TPP2: variants seen among roughly 807,000 people sequenced by gnomAD.
TPP2 encodes the protein tripeptidyl-peptidase 2.
Under a neutral mutation model 155.9 loss-of-function variants are expected in TPP2, and 34 were observed. That is an observed-to-expected ratio of 0.22 (90% CI 0.17 to 0.29). The LOEUF (loss-of-function observed/expected upper bound fraction) is 0.29, where lower values mean the gene tolerates loss of function less well. Ranked by LOEUF, TPP2 falls within the 10% of genes least tolerant of loss-of-function variation. The probability of loss-of-function intolerance (pLI) is 1.00; values close to 1 mark genes in which losing one functional copy is unlikely to be tolerated. For missense variants in TPP2, 1,028 were observed against 1,522.3 expected, an observed-to-expected ratio of 0.68 and a Z score of 5.40; for synonymous variants, 510 against 529.4, an observed-to-expected ratio of 0.96 and a Z score of 0.50.
Position 102,659,035 on chromosome 13 carries a change from A to C in TPP2, c.3143+1828A>C, listed in dbSNP as rs78950001. ...ATGCCATTCTTCCACTCCCTGTTCC[A>C]GAGCTTGGGCTTAGTGATTTTGCCA... On this transcript the variant is annotated intron_variant, in intron 25 of 29. Transcript: ENST00000376052. Among the ~76,000 whole-genome samples, 581 of 152,314 alleles carry C rather than the reference A, an allele frequency of 3.8e-3. 2 individuals carry two copies. Among genetic ancestry groups the C allele is most frequent in the Non-Finnish European group, 7.0e-3 (475 of 68,028 alleles).
chr13:102,665,044 G>T, intron 27 of TPP2, 119 bp downstream of exon 27: 2 of 1,257,324 alleles, frequency 1.6e-6, no homozygotes, highest in Non-Finnish European at 2.2e-6. Flanking sequence ...CCTTATAATG[G>T]GAATTATCAC....
intron 6 of TPP2, among the ~76,000 whole-genome samples, chr13:102,624,285 G>C (rs1051770565): frequency 1.3e-5 from 2 of 152,106 alleles, no homozygotes; most frequent in African/African-American, 4.8e-5. Context: ...CCCAGGGTAG[G>C]GGGAAAAAGG....
intron 1 of TPP2, among the ~76,000 whole-genome samples, chr13:102,601,403 G>A (rs1172707083): frequency 6.6e-6 from 1 of 152,082 alleles, no homozygotes; most frequent in Non-Finnish European, 1.5e-5. Context: ...CTTTTGTTCT[G>A]GTCCTCTCTG....
At chr13:102,621,962 A>T (rs145879398) in intron 5 of TPP2, among the ~76,000 whole-genome samples, 8 of 152,198 alleles carry the variant, frequency 5.3e-5, no homozygotes, top group African/African-American at 1.9e-4. Flanking sequence ...CATTTTCTCC[A>T]TAAGTGTTTA....
chr13:102,660,414 T>C (rs1055077311), intron 25 of TPP2, among the ~76,000 whole-genome samples: 1 of 140,684 alleles, frequency 7.1e-6, no homozygotes, highest in East Asian at 2.0e-4. Context: ...TTGAAAAAAA[T>C]AAAATGTGTA....
intron 9 of TPP2, 43 bp from the exon 10 acceptor site, chr13:102,630,052 TC>T: frequency 6.5e-7 from 1 of 1,536,200 alleles, no homozygotes. Context: ...GGAATCAGGA[TC>T]CCCGTTTGTT....
chr13:102,617,013 C>G (rs1880790062), intron 4 of TPP2, among the ~76,000 whole-genome samples: 1 of 151,204 alleles, frequency 6.6e-6, no homozygotes, highest in Non-Finnish European at 1.5e-5. Flanking sequence ...CGGGTTCAAG[C>G]TATTCTCGCC....
chr13:102,627,845 T>C lies in TPP2; in HGVS notation c.940-3T>C. The stretch of plus-strand genomic sequence containing the variant: ...TAAACTAGAGTCTTAATCTCTTTAA[T>C]AGATGATAGAAGTTATAAATCATAA... On this transcript the variant is annotated splice_polypyrimidine_tract_variant and splice_region_variant and intron_variant, in intron 7 of 29. Transcript: ENST00000376052. 1.2e-6 allele frequency: 2 copies of C among 1,610,612 alleles called. No homozygotes were observed. The highest frequency in any genetic ancestry group is 1.7e-6 in the Non-Finnish European group (2 of 1,177,594).
At chr13:102,629,719 A>T in intron 9 of TPP2, 110 bp downstream of exon 9, 1 of 1,365,402 alleles carries the variant, frequency 7.3e-7, no homozygotes, top group South Asian at 1.7e-5. Flanking sequence ...TGTACACCTT[A>T]AGTGTGTCCT....
At chr13:102,671,857 A>C (rs1264560891) in intron 27 of TPP2, among the ~76,000 whole-genome samples, 2 of 152,092 alleles carry the variant, frequency 1.3e-5, no homozygotes, top group Admixed American at 1.3e-4. Context: ...TAGGTCCCTT[A>C]ATTGAGCCTG....
At chr13:102,646,862 T>C (rs1883138885) in intron 20 of TPP2, among the ~76,000 whole-genome samples, 1 of 152,180 alleles carries the variant, frequency 6.6e-6, no homozygotes, top group Admixed American at 6.6e-5. Context: ...TCAATAAAAC[T>C]GTTACTGAAA....
chr13:102,622,760 T>G, intron 5 of TPP2, 117 bp from the exon 6 acceptor site: 1 of 1,146,104 alleles, frequency 8.7e-7, no homozygotes, highest in Non-Finnish European at 1.2e-6. Flanking sequence ...GTCATTATAT[T>G]TATATTTGTT....
intron 6 of TPP2, among the ~76,000 whole-genome samples, chr13:102,626,380 T>C (rs886331639): frequency 3.3e-5 from 5 of 152,256 alleles, no homozygotes; most frequent in Non-Finnish European, 5.9e-5. Context: ...TATGAATTGA[T>C]GTACATGTAA....
intron 2 of TPP2, 61 bp downstream of exon 2, chr13:102,604,982 A>G: frequency 1.3e-6 from 2 of 1,593,116 alleles, no homozygotes; most frequent in East Asian, 2.2e-5. Flanking sequence ...AAAGCATCTA[A>G]TGTTTTTACC....
chr13:102,639,664 GC>G (rs898257302), intron 15 of TPP2, among the ~76,000 whole-genome samples: 6 of 151,146 alleles, frequency 4.0e-5, no homozygotes, highest in Admixed American at 2.0e-4. Flanking sequence ...TAATAACAGG[GC>G]CTCATGTAGT....
At chr13:102,648,838 T>C (rs1883315294) in intron 21 of TPP2, 69 bp from the exon 22 acceptor site, 1 of 1,512,878 alleles carries the variant, frequency 6.6e-7, no homozygotes, top group Non-Finnish European at 8.8e-7. Context: ...TTTCACTTTA[T>C]CCTCTTTCAG....
intron 22 of TPP2, 80 bp downstream of exon 22, chr13:102,649,231 T>C (rs1012704335): frequency 6.6e-7 from 1 of 1,513,600 alleles, no homozygotes; most frequent in Non-Finnish European, 8.8e-7. Flanking sequence ...ACATCTAGGC[T>C]AAATTTAGAG....
chr13:102,612,586 G>A (rs184678142), intron 2 of TPP2, among the ~76,000 whole-genome samples: 1 of 152,098 alleles, frequency 6.6e-6, no homozygotes. Context: ...CATAAAGTTA[G>A]CTTTACTCTA....
intron 16 of TPP2, among the ~76,000 whole-genome samples, chr13:102,642,163 G>A (rs1277683737): frequency 6.6e-6 from 1 of 152,162 alleles, no homozygotes; most frequent in Non-Finnish European, 1.5e-5. Flanking sequence ...GGATTTTATA[G>A]TACTTGGTAC....
Sources: gnomAD v4.1 joint callset for allele counts (sites outside exome capture counted in the v4.1 genomes callset) on GRCh38, gnomAD v4.1.1 for gene constraint, MANE v1.5 for transcripts, NCBI Gene and HGNC (gene_info 2026-07-23, HGNC 2026-07-21) for gene names.